Variants in TDRD10 observed in about 807,000 individuals in gnomAD.
TDRD10 encodes the protein tudor domain-containing protein 10.
A neutral mutation model predicts 48.0 loss-of-function variants in TDRD10; 40 were observed. That is an observed-to-expected ratio of 0.83 (90% confidence interval 0.65 to 1.09). The LOEUF (loss-of-function observed/expected upper bound fraction) is 1.09. Ranked by LOEUF, TDRD10 falls within the 50% of genes least tolerant of loss-of-function variation. The pLI is 0.00. For synonymous variants in TDRD10, 162 were observed against 170.4 expected, an observed-to-expected ratio of 0.95 and a Z score of 0.38; for missense variants, 378 against 434.7, an observed-to-expected ratio of 0.87 and a Z score of 1.16.
At chr1:154,542,536 C>T (rs1695301047) in intron 7 of TDRD10, among the ~76,000 whole-genome samples, 195 bp from the exon 8 acceptor site, 1 of 152,160 alleles carries the variant, frequency 6.6e-6, no homozygotes, top group South Asian at 2.1e-4. Flanking sequence ...CCCTAGGATG[C>T]TTTCTTAAAG....
At chr1:154,509,995 C>A in intron 4 of TDRD10, 1 of 415,244 alleles carries the variant, frequency 2.4e-6, no homozygotes, top group Non-Finnish European at 3.2e-6. Context: ...AACGTTTCAT[C>A]CTTGTCCCCT....
At chr1:154,546,087 G>T (rs1391056898) in intron 11 of TDRD10, among the ~76,000 whole-genome samples, 3 of 122,452 alleles carry the variant, frequency 2.4e-5, no homozygotes, top group Non-Finnish European at 5.1e-5. Context: ...GACAAACTAA[G>T]TCTTGAGATG....
intron 6 of TDRD10, among the ~76,000 whole-genome samples, chr1:154,527,175 T>TGCTG: frequency 6.6e-6 from 1 of 152,286 alleles, no homozygotes; most frequent in East Asian, 1.9e-4. Flanking sequence ...CCTCCCAAAG[T>TGCTG]GCTGGGATTA....
At chr1:154,542,898 G>A in intron 8 of TDRD10, 77 bp downstream of exon 8, 1 of 1,229,204 alleles carries the variant, frequency 8.1e-7, no homozygotes, top group Non-Finnish European at 1.2e-6. Flanking sequence ...GTGGGGACAA[G>A]GATAGTACTG....
intron 11 of TDRD10, 30 bp downstream of exon 11, chr1:154,544,979 G>A: frequency 6.2e-7 from 1 of 1,610,296 alleles, no homozygotes; most frequent in Middle Eastern, 1.7e-4. Flanking sequence ...CCTCCCAAGG[G>A]TTTCAGGGAC....
At chr1:154,517,234 C>T (rs535057323) in intron 4 of TDRD10, among the ~76,000 whole-genome samples, 29 of 152,254 alleles carry the variant, frequency 1.9e-4, no homozygotes, top group African/African-American at 6.7e-4. Flanking sequence ...GGTTGTTGAT[C>T]CCTTACCTTC....
intron 11 of TDRD10, among the ~76,000 whole-genome samples, chr1:154,546,812 C>T (rs1444870791): frequency 1.3e-5 from 2 of 152,132 alleles, no homozygotes; most frequent in East Asian, 3.8e-4. Context: ...AAATACAGCT[C>T]AGAAAAGTGA....
intron 6 of TDRD10, among the ~76,000 whole-genome samples, chr1:154,537,220 C>G (rs965961152): frequency 6.6e-6 from 1 of 152,216 alleles, no homozygotes; most frequent in Non-Finnish European, 1.5e-5. Context: ...CATCCCCTGT[C>G]TCTGACGTTT....
intron 3 of TDRD10, among the ~76,000 whole-genome samples, chr1:154,507,886 C>A (rs1693238838): frequency 6.6e-6 from 1 of 152,164 alleles, no homozygotes; most frequent in South Asian, 2.1e-4. Flanking sequence ...TGCCTGGATT[C>A]CCTTCAGCCT....
chr1:154,507,842 T>A (rs5018567), intron 3 of TDRD10, among the ~76,000 whole-genome samples: 1 of 152,104 alleles, frequency 6.6e-6, no homozygotes, highest in African/African-American at 2.4e-5. Context: ...TCAGCTTTTT[T>A]GTATCTCCAT....
intron 1 of TDRD10, among the ~76,000 whole-genome samples, chr1:154,506,402 G>A (rs530188883): frequency 7.4e-6 from 1 of 135,168 alleles, no homozygotes; most frequent in African/African-American, 2.7e-5. Context: ...TTGAGATGTT[G>A]TCTCACTCTG....
At chr1:154,540,738 A>G (rs910919581) in intron 6 of TDRD10, among the ~76,000 whole-genome samples, 20 of 152,106 alleles carry the variant, frequency 1.3e-4, no homozygotes, top group African/African-American at 4.8e-4. Context: ...TACATTGTTG[A>G]TACCTAAAAC....
intron 4 of TDRD10, chr1:154,509,948 G>A (rs1693356588): frequency 3.6e-6 from 3 of 838,400 alleles, no homozygotes; most frequent in Non-Finnish European, 4.3e-6. Flanking sequence ...AGCACCTGGG[G>A]CTTGCTTGGC....
chr1:154,508,664 T>C (rs1201098843), intron 4 of TDRD10, among the ~76,000 whole-genome samples, 183 bp downstream of exon 4: 2 of 152,208 alleles, frequency 1.3e-5, no homozygotes, highest in African/African-American at 2.4e-5. Context: ...TTCCCAGTTT[T>C]AGCACTGAAA....
At chr1:154,507,189 T>C (rs1570889875) in intron 2 of TDRD10, 52 bp from the exon 3 acceptor site, 2 of 1,611,518 alleles carry the variant, frequency 1.2e-6, no homozygotes, top group East Asian at 2.2e-5. Context: ...CACGTTTCCT[T>C]TTGTCGGAGT....
chr1:154,514,067 G>T (rs182636943), intron 4 of TDRD10, among the ~76,000 whole-genome samples: 1 of 152,188 alleles, frequency 6.6e-6, no homozygotes, highest in African/African-American at 2.4e-5. Context: ...GCGGGTGCCT[G>T]TAATCCCAGC....
In TDRD10 at chr1:154,511,532, A is replaced by G. The variant is rs184947799; in HGVS notation, c.141+3051A>G. Among the ~76,000 whole-genome samples the G allele has an allele frequency of 1.9e-3, 293 of 150,908 alleles. 1 individual carries two copies. Among genetic ancestry groups the G allele is most frequent in the Middle Eastern group, 6.8e-3 (2 of 292 alleles). On this transcript the variant is annotated intron_variant, in intron 4 of 12. Transcript: ENST00000368482. ...AATAATACTAAATAATACAAAAATT[A>G]CTAATAATACAAATAATACTAATAA...
chr1:154,533,095 A>T (rs1391087747), intron 6 of TDRD10, among the ~76,000 whole-genome samples: 1 of 152,048 alleles, frequency 6.6e-6, no homozygotes, highest in Non-Finnish European at 1.5e-5. Context: ...CGGTTTCTTT[A>T]TTGGGTAGGG....
chr1:154,516,830 C>CT (rs1478799167), intron 4 of TDRD10, among the ~76,000 whole-genome samples: 1 of 152,110 alleles, frequency 6.6e-6, no homozygotes, highest in Non-Finnish European at 1.5e-5. Context: ...GCCTGTAATC[C>CT]CAGCTACTTG....
Sources: gnomAD v4.1 joint callset for allele counts (sites outside exome capture counted in the v4.1 genomes callset) on GRCh38, gnomAD v4.1.1 for gene constraint, MANE v1.5 for transcripts, NCBI Gene and HGNC (gene_info 2026-07-23, HGNC 2026-07-21) for gene names.